ACVR1: variants seen among roughly 807,000 people sequenced by gnomAD.
The protein encoded by ACVR1 is activin receptor type-1.
ACVR1 carries 38 observed loss-of-function variants against 57.1 expected under a neutral mutation model. The observed-to-expected ratio is 0.67, with a 90% CI of 0.51 to 0.87. The LOEUF (loss-of-function observed/expected upper bound fraction) is 0.87, where lower values mean the gene tolerates loss of function less well. ACVR1 is among the 40% of genes least tolerant of loss of function. ACVR1 has a pLI of 0.00. For missense variants in ACVR1, 463 were observed against 638.2 expected (o/e 0.73, Z 2.96); for synonymous variants, 212 against 228.1 (o/e 0.93, Z 0.63).
Position 157,766,233 on chromosome 2 carries a change from A to G in ACVR1, c.791-37T>C, listed in dbSNP as rs758495393. ...AAGAAAAAAATTAATATACATGAGG[A>G]TTCCACATTATAACTTAAAGTATTT... is the stretch of plus-strand genomic sequence containing the variant. On this transcript the variant is annotated intron_variant, in intron 7 of 10. Coordinates refer to ENST00000434821, the MANE Select transcript of ACVR1 (RefSeq NM_001111067.4). 1.9e-6 allele frequency: 3 copies of G among 1,600,246 alleles called. No individual in the cohort carries two copies. In the Admixed American group the frequency reaches 5.0e-5, roughly 27 times the overall value.
intron 3 of ACVR1, among the ~76,000 whole-genome samples, chr2:157,783,608 G>A (rs947516660): frequency 6.6e-6 from 1 of 152,184 alleles, no homozygotes; most frequent in Middle Eastern, 3.4e-3. Context: ...GAAATACCAG[G>A]GTTTTCATAA....
chr2:157,760,412 T>C (rs545915765), intron 9 of ACVR1, among the ~76,000 whole-genome samples: 1 of 152,264 alleles, frequency 6.6e-6, no homozygotes, highest in South Asian at 2.1e-4. Context: ...TGACTATAGT[T>C]GACAATAATA....
intron 1 of ACVR1, among the ~76,000 whole-genome samples, chr2:157,826,908 AAAGG>A (rs148640468): frequency 0.082 from 12,270 of 148,876 alleles, 699 homozygotes; most frequent in Non-Finnish European, 0.13. Context: ...GTAGGAAAAG[AAAGG>A]AAGGAAGGAA....
intron 9 of ACVR1, among the ~76,000 whole-genome samples, chr2:157,742,182 G>A (rs547351431): frequency 6.6e-6 from 1 of 152,214 alleles, no homozygotes; most frequent in African/African-American, 2.4e-5. Context: ...GCCAGAAAGC[G>A]ATAATCAGCG....
chr2:157,834,518 C>T (rs1460701102), intron 1 of ACVR1, among the ~76,000 whole-genome samples: 2 of 152,100 alleles, frequency 1.3e-5, no homozygotes, highest in South Asian at 2.1e-4. Context: ...TAGGTCCCAA[C>T]TGTGGGGTTT....
chr2:157,804,900 G>C (rs994946188), intron 2 of ACVR1, among the ~76,000 whole-genome samples: 2 of 152,168 alleles, frequency 1.3e-5, no homozygotes, highest in African/African-American at 4.8e-5. Context: ...TAAGAAGCTA[G>C]CGCTTAGCTC....
chr2:157,849,521 A>AT (rs1689227173), intron 1 of ACVR1, among the ~76,000 whole-genome samples: 1 of 152,248 alleles, frequency 6.6e-6, no homozygotes. Flanking sequence ...GCCTACAAAC[A>AT]TTATTGTATA....
intron 4 of ACVR1, among the ~76,000 whole-genome samples, chr2:157,779,309 A>G (rs1349106749): frequency 6.6e-6 from 1 of 152,252 alleles, no homozygotes; most frequent in East Asian, 1.9e-4. Context: ...CTCACAAAGT[A>G]TAACAGTAAA....
At position 157,761,016 on chromosome 2, in the gene ACVR1, C is replaced by T. The variant is rs1465335111; in HGVS notation, c.1128G>A (p.Val376=). The part of the protein sequence containing the change: ...NQLDVGNNPR[V]GTKRYMAPEV... ...CGGGGGCCATGTAGCGCTTGGTGCC[C>T]ACACGGGGATTGTTCCCCACATCAA... The change falls in exon 9 of 11, where the codon GTG becomes GTA. Residue 376 remains valine, a synonymous_variant. Coordinates refer to ENST00000434821, the MANE Select transcript of ACVR1 (RefSeq NM_001111067.4). 3 of 1,614,118 alleles carry T rather than the reference C, an allele frequency of 1.9e-6. No individual in the cohort carries two copies. The highest frequency in any genetic ancestry group is 8.5e-7 in the Non-Finnish European group (1 of 1,180,000).
chr2:157,830,398 T>C (rs1464902632), intron 1 of ACVR1, among the ~76,000 whole-genome samples: 2 of 152,086 alleles, frequency 1.3e-5, no homozygotes, highest in African/African-American at 4.8e-5. Flanking sequence ...ATTTTCAGTG[T>C]TGTCATGGCT....
chr2:157,794,588 T>C (rs1352683148), intron 3 of ACVR1, among the ~76,000 whole-genome samples: 1 of 152,190 alleles, frequency 6.6e-6, no homozygotes, highest in Non-Finnish European at 1.5e-5. Context: ...TCAAAGTATA[T>C]GATGCCTTTT....
chr2:157,800,756 G>C (rs1046542261), intron 2 of ACVR1, among the ~76,000 whole-genome samples: 12 of 152,010 alleles, frequency 7.9e-5, no homozygotes, highest in African/African-American at 2.7e-4. Context: ...TTCCTATAGT[G>C]GATCCTTTTG....
At chr2:157,808,414 G>C (rs562767202) in intron 2 of ACVR1, among the ~76,000 whole-genome samples, 30 of 152,312 alleles carry the variant, frequency 2.0e-4, no homozygotes, top group African/African-American at 7.2e-4. Context: ...GGGTGGGTTT[G>C]TATGTCCCCA....
chr2:157,772,307 G>T (rs949923506), intron 6 of ACVR1, among the ~76,000 whole-genome samples: 1 of 152,088 alleles, frequency 6.6e-6, no homozygotes, highest in Non-Finnish European at 1.5e-5. Flanking sequence ...TTCACTGATC[G>T]TCATCCAGAA....
chr2:157,851,798 T>A (rs1441787253), intron 1 of ACVR1, among the ~76,000 whole-genome samples: 1 of 151,386 alleles, frequency 6.6e-6, no homozygotes, highest in Non-Finnish European at 1.5e-5. Flanking sequence ...GCTAAATAAC[T>A]CTTCCCAATC....
intron 9 of ACVR1, among the ~76,000 whole-genome samples, chr2:157,741,842 G>A (rs1423471376): frequency 6.6e-6 from 1 of 152,064 alleles, no homozygotes; most frequent in African/African-American, 2.4e-5. Flanking sequence ...TGGGTGCCGT[G>A]GAAGCACAGG....
intron 2 of ACVR1, among the ~76,000 whole-genome samples, chr2:157,817,844 C>CA (rs960122599): frequency 2.0e-4 from 30 of 151,296 alleles, no homozygotes; most frequent in Admixed American, 1.8e-3. Context: ...ACTAATAATA[C>CA]AAAAAAAATT....
chr2:157,738,842 T>C (rs1206385080), intron 9 of ACVR1, among the ~76,000 whole-genome samples: 1 of 152,166 alleles, frequency 6.6e-6, no homozygotes, highest in Non-Finnish European at 1.5e-5. Flanking sequence ...ATTAGCAAAA[T>C]TCTCCAACAG....
intron 9 of ACVR1, among the ~76,000 whole-genome samples, chr2:157,752,366 G>T (rs1249186792): frequency 6.6e-6 from 1 of 152,144 alleles, no homozygotes; most frequent in Non-Finnish European, 1.5e-5. Context: ...GAAGGAATCA[G>T]AAAAACAATT....
Sources: allele counts gnomAD v4.1 joint callset (sites outside exome capture counted in the v4.1 genomes callset), GRCh38; gene constraint gnomAD v4.1.1; transcripts MANE v1.5; gene names NCBI Gene and HGNC (gene_info 2026-07-23, HGNC 2026-07-21).